The following ST14 variants were observed in gnomAD, a reference collection of about 807,000 sequenced individuals.
The protein encoded by ST14 is ST14 transmembrane serine protease matriptase.
Under a neutral mutation model 96.5 loss-of-function variants are expected in ST14, and 40 were observed. The ratio of observed to expected loss-of-function variants is 0.41; its 90% CI spans 0.32 to 0.54. The LOEUF (loss-of-function observed/expected upper bound fraction) is 0.54, where lower values mean the gene tolerates loss of function less well. ST14 is among the 20% of genes least tolerant of loss of function. ST14 has a pLI of 0.17. For missense variants in ST14, 1,066 were observed against 1,188.9 expected, an observed-to-expected ratio of 0.90 and a Z score of 1.52; for synonymous variants, 506 against 492.1, an observed-to-expected ratio of 1.03 and a Z score of -0.37.
chr11:130,199,027 G>A lies in ST14; in HGVS notation c.1765G>A (p.Gly589Arg). The change falls in exon 15 of 19, where the codon GGG (glycine) becomes AGG (arginine). Residue 589 changes from glycine to arginine, a missense_variant. Physicochemically the swap from Gly to Arg is moderately radical, Grantham distance 125 (BLOSUM62 -2). Transcript: ENST00000278742. ...CLSKGNPECD[G>R]KEDCSDGSDE... The stretch of plus-strand genomic sequence containing the variant: ...GAGCAAGGGCAACCCTGAGTGTGAC[G>A]GGAAGGAGGACTGTAGCGACGGCTC... 1.9e-6 allele frequency: 3 copies of A among 1,614,040 alleles called. No individual in the cohort carries two copies. Among genetic ancestry groups the A allele is most frequent in the East Asian group, 2.2e-5 (1 of 44,870 alleles).
intron 1 of ST14, among the ~76,000 whole-genome samples, chr11:130,177,709 G>C (rs911363659): frequency 1.3e-5 from 2 of 152,242 alleles, no homozygotes; most frequent in African/African-American, 4.8e-5. Flanking sequence ...CCTGGGTAAA[G>C]AACCTCATCA....
At chr11:130,208,852 G>A (rs1048026189) in intron 17 of ST14, among the ~76,000 whole-genome samples, 168 bp downstream of exon 17, 1 of 152,336 alleles carries the variant, frequency 6.6e-6, no homozygotes, top group Admixed American at 6.5e-5. Flanking sequence ...AAAGGGGCAT[G>A]GGATTTGCAG....
intron 15 of ST14, among the ~76,000 whole-genome samples, chr11:130,199,688 C>T (rs894568001): frequency 6.6e-5 from 10 of 152,096 alleles, no homozygotes; most frequent in African/African-American, 1.4e-4. Context: ...CGGAGGCCCT[C>T]GCTGCATTTG....
chr11:130,190,750 G>A (rs1953289180), intron 7 of ST14, 56 bp downstream of exon 7: 2 of 1,509,848 alleles, frequency 1.3e-6, no homozygotes, highest in African/African-American at 1.4e-5. Flanking sequence ...GCCCTGTAGG[G>A]GGCCAGCTTC....
At position 130,208,456 on chromosome 11, in the gene ST14, C is replaced by A; in HGVS notation, c.2041C>A (p.Gln681Lys). The change falls in exon 17 of 19, where the codon CAG becomes AAG. Residue 681 changes from glutamine to lysine, a missense_variant. Transcript: ENST00000278742. ...GACGGCCTTCCTGGGCTTGCACGACCAGAGCCAGCGCAGCGCCCCTGGGGT... is the reference window on the plus strand; with the variant it reads ...GACGGCCTTCCTGGGCTTGCACGACAAGAGCCAGCGCAGCGCCCCTGGGGT... The part of the protein sequence containing the change: ...QWTAFLGLHD[Q>K]SQRSAPGVQE... 6.2e-7 allele frequency: 1 copy of A among 1,614,186 alleles called. No individual in the cohort carries two copies. The highest frequency in any genetic ancestry group is 2.2e-5 in the East Asian group (1 of 44,882).
chr11:130,169,386 C>T (rs565361924), intron 1 of ST14, among the ~76,000 whole-genome samples: 7 of 152,260 alleles, frequency 4.6e-5, no homozygotes, highest in South Asian at 4.1e-4. Context: ...TGAGCCACCA[C>T]GCCTGGCCTA....
intron 14 of ST14, 94 bp from the exon 15 acceptor site, chr11:130,198,853 G>A (rs373140260): frequency 6.2e-7 from 1 of 1,607,476 alleles, no homozygotes; most frequent in African/African-American, 1.3e-5. Context: ...AGGGGGTAAT[G>A]TGCAGGGGCC....
At chr11:130,161,908 G>A (rs1444751058) in intron 1 of ST14, among the ~76,000 whole-genome samples, 1 of 152,216 alleles carries the variant, frequency 6.6e-6, no homozygotes, top group Non-Finnish European at 1.5e-5. Context: ...TTAGCTGTGA[G>A]GCGGAGTGTC....
rs1953194070 is a variant in ST14 at position 130,181,617 on chromosome 11, G to A, written c.82-6497G>A. ...CCTACAGTTGTCTAAGTGTCTAAGT[G>A]GATGGGAGTTCCCTGAGACCTCCCC... is the stretch of plus-strand genomic sequence containing the variant. On this transcript the variant is annotated intron_variant, in intron 1 of 18. Coordinates refer to ENST00000278742, the MANE Select transcript of ST14 (RefSeq NM_021978.4). The surrounding 1 kb of genome is among the most constrained non-coding windows in gnomAD (Gnocchi z 4.1). Among the ~76,000 whole-genome samples, 1 of 152,184 alleles carries A rather than the reference G, an allele frequency of 6.6e-6. No individual in the cohort carries two copies. Among genetic ancestry groups the A allele is most frequent in the Non-Finnish European group, 1.5e-5 (1 of 68,020 alleles).
intron 1 of ST14, among the ~76,000 whole-genome samples, chr11:130,161,030 C>A (rs779315866): frequency 1.3e-5 from 2 of 152,232 alleles, no homozygotes; most frequent in South Asian, 2.1e-4. Context: ...TGCCCCTGGG[C>A]TCCATAGTCT....
At chr11:130,176,784 T>G (rs914365047) in intron 1 of ST14, among the ~76,000 whole-genome samples, 1 of 148,164 alleles carries the variant, frequency 6.7e-6, no homozygotes, top group African/African-American at 2.5e-5. Context: ...CTTTTAGGGC[T>G]TAACTTTTTT....
rs149734003 is a variant in ST14, at chr11:130,203,675, C to T, written c.1994+3538C>T. ...GCTCTTTTTTCTTTTTTTTTGAGAC[C>T]GAGTTTCACTTTTGTTGCCCAGGCT... On this transcript the variant is annotated intron_variant, in intron 16 of 18. Coordinates refer to ENST00000278742, the MANE Select transcript of ST14 (RefSeq NM_021978.4). 3.9e-3 allele frequency among the ~76,000 whole-genome samples: 596 copies of T among 151,998 alleles called. 6 individuals are homozygous for T. The highest frequency in any genetic ancestry group is 0.013 in the African/African-American group (532 of 41,424).
chr11:130,182,165 C>A (rs1252409910), intron 1 of ST14, among the ~76,000 whole-genome samples: 1 of 152,198 alleles, frequency 6.6e-6, no homozygotes, highest in African/African-American at 2.4e-5. Flanking sequence ...TTATATAACA[C>A]GGGTGATAGC....
chr11:130,159,841 G>T lies in ST14; in HGVS notation c.-139G>T. The T allele has an allele frequency of 3.8e-6, 1 of 265,658 alleles. No individual in the cohort carries two copies. The highest frequency in any genetic ancestry group is 1.6e-4 in the South Asian group (1 of 6,138). The allele number at this position is 265,658 out of a possible 1,614,324, so 16.5% of individuals were successfully genotyped here. On this transcript the variant is annotated 5_prime_UTR_variant, in exon 1 of 19. It adds an upstream start codon to the 5' untranslated region. Coordinates refer to ENST00000278742, the MANE Select transcript of ST14 (RefSeq NM_021978.4). Reference sequence around the variant, plus strand: ...AGGGAGAGAGAGCGCGCCAGGGCGAGGGCACCGCCGCCGGTCGGGCGCGCT... The same window carrying T: ...AGGGAGAGAGAGCGCGCCAGGGCGATGGCACCGCCGCCGGTCGGGCGCGCT...
At position 130,188,742 on chromosome 11, in the gene ST14, C is replaced by T. The variant is rs1470165083; in HGVS notation, c.369+85C>T. 4.3e-6 allele frequency: 7 copies of T among 1,609,450 alleles called. No individual in the cohort carries two copies. The highest frequency in any genetic ancestry group is 1.7e-5 in the Admixed American group (1 of 59,898). On this transcript the variant is annotated intron_variant, in intron 3 of 18. Coordinates refer to ENST00000278742, the MANE Select transcript of ST14 (RefSeq NM_021978.4). The surrounding 1 kb of genome is among the most constrained non-coding windows in gnomAD (Gnocchi z 5.4). The stretch of plus-strand genomic sequence containing the variant: ...GCAGGAGGGACATGCCTCGCCTGTG[C>T]TCCCAGGGCCCTGGGATGGGGGTGA...
Position 130,209,812 on chromosome 11 carries a change from A to T in ST14, c.2557A>T (p.Thr853Ser). The T allele has an allele frequency of 1.2e-6, 2 of 1,613,904 alleles. No individual in the cohort carries two copies. The highest frequency in any genetic ancestry group is 1.7e-6 in the Non-Finnish European group (2 of 1,180,012). ...GTTTCGGGACTGGATCAAAGAGAAC[A>T]CTGGGGTATAGGGGCCGGGGCCACC... The part of the protein sequence containing the change: ...PLFRDWIKEN[T>S]GV Residue 853 changes from threonine to serine, a missense_variant, in exon 19 of 19, where the codon ACT becomes TCT. By Grantham distance (58) the Thr-to-Ser change is moderately conservative. Transcript: ENST00000278742.
rs1051696212 is a variant in ST14 at position 130,198,870 on chromosome 11, C to T, written c.1685-77C>T. 5.0e-5 allele frequency: 81 copies of T among 1,609,382 alleles called. 1 individual carries two copies. The highest frequency in any genetic ancestry group is 2.8e-4 in the South Asian group (25 of 90,370). On this transcript the variant is annotated intron_variant, in intron 14 of 18. Transcript: ENST00000278742. ...GGGGTAATGTGCAGGGGCCATGAGGCGCCATTGGTGGTTTCTGGCTTCTGG... is the reference window on the plus strand; with the variant it reads ...GGGGTAATGTGCAGGGGCCATGAGGTGCCATTGGTGGTTTCTGGCTTCTGG...
At chr11:130,167,868 C>T (rs1953055956) in intron 1 of ST14, among the ~76,000 whole-genome samples, 1 of 152,214 alleles carries the variant, frequency 6.6e-6, no homozygotes. Flanking sequence ...GTGTGCGCCA[C>T]TGCGCCAGGC....
At chr11:130,178,034 C>A (rs373675967) in intron 1 of ST14, among the ~76,000 whole-genome samples, 5 of 152,356 alleles carry the variant, frequency 3.3e-5, no homozygotes, top group African/African-American at 1.2e-4. Context: ...CTTAGTACTT[C>A]CTGTTCACTC....
Sources: gnomAD v4.1 joint callset for allele counts (sites outside exome capture counted in the v4.1 genomes callset) on GRCh38, gnomAD v4.1.1 for gene constraint, Gnocchi (gnomAD v3.1) non-coding constraint, MANE v1.5 for transcripts, NCBI Gene and HGNC (gene_info 2026-07-23, HGNC 2026-07-21) for gene names.